The following NRXN3 variants were observed in gnomAD, a reference collection of about 807,000 sequenced individuals.
The protein encoded by NRXN3 is neurexin 3.
A neutral mutation model predicts 137.6 loss-of-function variants in NRXN3; 32 were observed. The observed-to-expected ratio is 0.23, with a 90% CI of 0.18 to 0.31. NRXN3 has a LOEUF of 0.31. Ranked by LOEUF, NRXN3 falls within the 10% of genes least tolerant of loss-of-function variation. The pLI is 1.00. For synonymous variants in NRXN3, 798 were observed against 784.5 expected, an observed-to-expected ratio of 1.02 and a Z score of -0.29; for missense variants, 1,574 against 2,062.5, an observed-to-expected ratio of 0.76 and a Z score of 4.59.
chr14:78,271,737 T>C (rs949215015), intron 2 of NRXN3, among the ~76,000 whole-genome samples: 5 of 152,172 alleles, frequency 3.3e-5, no homozygotes, highest in African/African-American at 1.2e-4. Flanking sequence ...ATGCTCCATC[T>C]TGCAATCTGG....
chr14:78,796,405 A>G (rs2098821932), intron 8 of NRXN3, among the ~76,000 whole-genome samples: 1 of 152,226 alleles, frequency 6.6e-6, no homozygotes, highest in South Asian at 2.1e-4. Flanking sequence ...TGTCACAATA[A>G]GAGTTTCCAC....
chr14:79,298,137 G>T (rs2153220571), intron 15 of NRXN3, among the ~76,000 whole-genome samples: 1 of 151,868 alleles, frequency 6.6e-6, no homozygotes, highest in South Asian at 2.1e-4. Flanking sequence ...AGGTAATTTT[G>T]TATTACGCAT....
chr14:79,243,894 CA>C (rs1165696832), intron 15 of NRXN3, among the ~76,000 whole-genome samples: 6 of 151,784 alleles, frequency 4.0e-5, no homozygotes, highest in East Asian at 1.9e-4. Flanking sequence ...TTCCAAGTGA[CA>C]AAAAAAATCT....
At chr14:78,491,542 C>T (rs2095668435) in intron 4 of NRXN3, among the ~76,000 whole-genome samples, 1 of 152,190 alleles carries the variant, frequency 6.6e-6, no homozygotes, top group Non-Finnish European at 1.5e-5. Context: ...AGCATTCTGT[C>T]ATTGTCAGAA....
chr14:79,042,357 A>G (rs2099626442), intron 15 of NRXN3, among the ~76,000 whole-genome samples: 1 of 152,204 alleles, frequency 6.6e-6, no homozygotes, highest in Non-Finnish European at 1.5e-5. Context: ...AGGATAAAAA[A>G]CATTGCATTT....
intron 6 of NRXN3, among the ~76,000 whole-genome samples, chr14:78,676,557 C>T (rs1394159217): frequency 1.3e-5 from 2 of 152,054 alleles, no homozygotes; most frequent in Non-Finnish European, 1.5e-5. Context: ...AAAGCCATCT[C>T]CATAACATAA....
chr14:79,511,099 C>T (rs867383195), intron 16 of NRXN3, among the ~76,000 whole-genome samples: 1 of 152,146 alleles, frequency 6.6e-6, no homozygotes, highest in African/African-American at 2.4e-5. Flanking sequence ...ACCAAAAAGA[C>T]AGGGACAAAC....
rs117269347 is a variant in NRXN3, at chr14:79,085,026, T to C, written c.3262+96885T>C. Among the ~76,000 whole-genome samples the C allele has an allele frequency of 4.8e-3, 729 of 152,260 alleles. 7 individuals are homozygous for C. Among genetic ancestry groups the C allele is most frequent in the Non-Finnish European group, 7.2e-3 (490 of 68,018 alleles). Reference sequence around the variant, plus strand: ...TGCCTCCTGCTTTTGGGATTATGCCTGGCACCTGCTTGAGTCTAGAGGGTT... The same window carrying C: ...TGCCTCCTGCTTTTGGGATTATGCCCGGCACCTGCTTGAGTCTAGAGGGTT... On this transcript the variant is annotated intron_variant, in intron 15 of 20. Coordinates refer to ENST00000335750, the MANE Select transcript of NRXN3 (RefSeq NM_001330195.2).
intron 15 of NRXN3, among the ~76,000 whole-genome samples, chr14:79,105,976 C>T (rs1046392225): frequency 1.3e-5 from 2 of 152,210 alleles, no homozygotes; most frequent in South Asian, 2.1e-4. Context: ...GTTTAAACCT[C>T]CCGAAGACAG....
At chr14:79,470,216 C>T (rs937413516) in intron 16 of NRXN3, among the ~76,000 whole-genome samples, 2 of 152,104 alleles carry the variant, frequency 1.3e-5, no homozygotes, top group African/African-American at 2.4e-5. Flanking sequence ...TGATAGAAGA[C>T]ACAAGGGGGA....
At chr14:79,501,251 G>T (rs1275192531) in intron 16 of NRXN3, among the ~76,000 whole-genome samples, 3 of 152,064 alleles carry the variant, frequency 2.0e-5, no homozygotes, top group African/African-American at 7.2e-5. Context: ...TGATTAAGAT[G>T]CTCCCAGCAA....
intron 6 of NRXN3, among the ~76,000 whole-genome samples, chr14:78,662,254 A>T (rs1455208070): frequency 6.6e-6 from 1 of 152,068 alleles, no homozygotes; most frequent in Non-Finnish European, 1.5e-5. Context: ...ATACCCAAAA[A>T]ACTAAGGCAT....
Position 79,862,019 on chromosome 14 carries a change from T to C in NRXN3, c.*55T>C, listed in dbSNP as rs577578423. On this transcript the variant is annotated 3_prime_UTR_variant, in exon 21 of 21. Coordinates refer to ENST00000335750, the MANE Select transcript of NRXN3 (RefSeq NM_001330195.2). ...TCACAGTTATTTCTATCCACGCCTATGAATCTTTGGACGGTGAGATCTCAC... is the reference window on the plus strand; with the variant it reads ...TCACAGTTATTTCTATCCACGCCTACGAATCTTTGGACGGTGAGATCTCAC... 5.2e-5 allele frequency: 72 copies of C among 1,390,840 alleles called. No homozygotes were observed. In the African/African-American group the frequency reaches 9.7e-4, roughly 19 times the overall value. 86.2% of individuals were successfully genotyped at this position (1,390,840 alleles called of 1,614,324 possible). A position where few individuals can be genotyped will look rare whatever the true frequency, so the allele number is the denominator to read the frequency against.
At chr14:78,472,249 G>A (rs572050572) in intron 4 of NRXN3, among the ~76,000 whole-genome samples, 2 of 152,118 alleles carry the variant, frequency 1.3e-5, no homozygotes, top group East Asian at 3.9e-4. Flanking sequence ...GGTGGTGTGG[G>A]GGCTGGAGGG....
intron 4 of NRXN3, among the ~76,000 whole-genome samples, chr14:78,592,013 C>T (rs535542727): frequency 4.7e-4 from 72 of 152,222 alleles, no homozygotes; most frequent in Non-Finnish European, 8.1e-4. Flanking sequence ...GATGAGATGT[C>T]CAGTTTGTTC....
At chr14:78,335,748 G>A (rs2081386170) in intron 4 of NRXN3, among the ~76,000 whole-genome samples, 1 of 152,050 alleles carries the variant, frequency 6.6e-6, no homozygotes, top group South Asian at 2.1e-4. Flanking sequence ...TCTGAGTCAT[G>A]ACAAAAATGA....
intron 15 of NRXN3, among the ~76,000 whole-genome samples, chr14:79,432,975 C>CAT (rs1388101183): frequency 8.5e-5 from 13 of 152,182 alleles, no homozygotes; most frequent in Non-Finnish European, 1.9e-4. Context: ...GCTTCTTTTG[C>CAT]TATTCACTTT....
chr14:79,115,223 G>T (rs915511891), intron 15 of NRXN3, among the ~76,000 whole-genome samples: 4 of 151,816 alleles, frequency 2.6e-5, no homozygotes, highest in Middle Eastern at 3.4e-3. Flanking sequence ...TACTTGGGAG[G>T]CTGAGGCAGG....
In NRXN3 at chr14:79,190,215, A is replaced by AT. The variant is rs201153045; in HGVS notation, c.3262+202074_3262+202075insT. ...TGAAAAGGTCCATAATCCTTACGGA[A>AT]ATTTTTTTTTTAATCATCATCAGGC... On this transcript the variant is annotated intron_variant, in intron 15 of 20. Transcript: ENST00000335750. Among the ~76,000 whole-genome samples, 853 of 151,736 alleles carry AT rather than the reference A, an allele frequency of 5.6e-3. 32 individuals are homozygous for AT. The East Asian group carries it at 0.084, about 15-fold the overall frequency.
Sources: gnomAD v4.1 joint callset for allele counts (sites outside exome capture counted in the v4.1 genomes callset) on GRCh38, gnomAD v4.1.1 for gene constraint, MANE v1.5 for transcripts, NCBI Gene and HGNC (gene_info 2026-07-23, HGNC 2026-07-21) for gene names.